The following RNF216 variants were observed in gnomAD, a reference collection of about 807,000 sequenced individuals.
The protein encoded by RNF216 is ring finger protein 216.
RNF216 carries 72 observed loss-of-function variants against 110.8 expected under a neutral mutation model. That is an observed-to-expected ratio of 0.65 (90% CI 0.54 to 0.79). The LOEUF is 0.79. Ranked by LOEUF, RNF216 falls within the 30% of genes least tolerant of loss-of-function variation. The pLI, the probability that RNF216 is intolerant of heterozygous loss-of-function variation, is 0.00. For missense variants in RNF216, 1,342 were observed against 1,141.2 expected (o/e 1.18, Z -2.54); for synonymous variants, 495 against 407.5 (o/e 1.21, Z -2.59).
At chr7:5,771,773 G>A (rs1468658352) in intron 1 of RNF216, among the ~76,000 whole-genome samples, 1 of 152,138 alleles carries the variant, frequency 6.6e-6, no homozygotes, top group Non-Finnish European at 1.5e-5. Context: ...TTCCAGCCTG[G>A]GCAATGGGAG....
intron 14 of RNF216, among the ~76,000 whole-genome samples, chr7:5,644,185 G>A (rs555213336): frequency 6.6e-6 from 1 of 152,254 alleles, no homozygotes; most frequent in East Asian, 1.9e-4. Flanking sequence ...TTTCACTTAT[G>A]TTGGGTGAGT....
chr7:5,754,434 G>C lies in RNF216; in HGVS notation c.68-1455C>G, dbSNP rs533728725. ...ACCTCGGCCTCCCAAGAAGTCACTGGGATGACAGGCATGAGCCACCATGCC... is the reference window on the plus strand; with the variant it reads ...ACCTCGGCCTCCCAAGAAGTCACTGCGATGACAGGCATGAGCCACCATGCC... On this transcript the variant is annotated intron_variant, in intron 2 of 16. Transcript: ENST00000389902. Among the ~76,000 whole-genome samples the C allele has an allele frequency of 3.6e-3, 554 of 152,050 alleles. 3 individuals are homozygous for C. Among genetic ancestry groups the C allele is most frequent in the African/African-American group, 0.013 (535 of 41,484 alleles).
intron 13 of RNF216, among the ~76,000 whole-genome samples, chr7:5,699,392 T>C (rs1298510758): frequency 6.6e-6 from 1 of 152,218 alleles, no homozygotes; most frequent in Non-Finnish European, 1.5e-5. Context: ...TTTGAGCAGA[T>C]AAGGAGTAAA....
rs538538358 is a variant in RNF216, at chr7:5,692,781, C to G, written c.2061+18980G>C. Among the ~76,000 whole-genome samples the G allele has an allele frequency of 9.2e-5, 14 of 152,340 alleles. No individual in the cohort carries two copies. In the South Asian group the frequency reaches 2.3e-3, roughly 25 times the overall value. ...ATCACATTTCTATTTTTCAAGTTCT[C>G]TTAATACAAACAAAACAAAAATTCT... On this transcript the variant is annotated intron_variant, in intron 13 of 16. Coordinates refer to ENST00000389902, the MANE Select transcript of RNF216 (RefSeq NM_207111.4).
chr7:5,709,212 C>T (rs76722717), intron 13 of RNF216, among the ~76,000 whole-genome samples: 11,719 of 152,216 alleles, frequency 0.077, 536 homozygotes, highest in East Asian at 0.12. Context: ...TGAGACAAGA[C>T]AGAAACCAGT....
chr7:5,717,076 G>A (rs1296804544), intron 9 of RNF216, among the ~76,000 whole-genome samples: 9 of 152,268 alleles, frequency 5.9e-5, no homozygotes, highest in African/African-American at 1.9e-4. Flanking sequence ...AAGTTTGGCC[G>A]GGTGGGATGG....
intron 1 of RNF216, among the ~76,000 whole-genome samples, chr7:5,779,831 A>AG: frequency 6.7e-6 from 1 of 150,370 alleles, no homozygotes; most frequent in African/African-American, 2.4e-5. Context: ...TCCGCCTCAA[A>AG]AAAAAAAAAA....
chr7:5,628,417 C>T (rs1373776543), intron 15 of RNF216, among the ~76,000 whole-genome samples: 1 of 152,204 alleles, frequency 6.6e-6, no homozygotes, highest in Admixed American at 6.5e-5. Flanking sequence ...TGGCTAGAGT[C>T]ACAGGACACT....
intron 8 of RNF216, among the ~76,000 whole-genome samples, chr7:5,721,635 GT>G (rs1434950137): frequency 3.3e-5 from 5 of 152,158 alleles, no homozygotes; most frequent in Non-Finnish European, 2.9e-5. Context: ...GGTTGTACCA[GT>G]TTACACCCTT....
rs1358046957 is a variant in RNF216, at chr7:5,623,093, G to A, written c.2539C>T (p.Gln847Ter). The change falls in exon 17 of 17, where the codon CAG becomes TAG. Residue 847 changes from glutamine to a stop codon, truncating the protein, a stop_gained. Transcript: ENST00000389902. LOFTEE classifies it high-confidence loss of function. Reference sequence around the variant, plus strand: ...GGCATCTGTGGCTGTGGCAGGTTCTGCGGAACGGGCCTCGGGAGGGCCTCC... The same window carrying A: ...GGCATCTGTGGCTGTGGCAGGTTCTACGGAACGGGCCTCGGGAGGGCCTCC... ...RVEALPRPVP[Q>*]NLPQPQMPPY... is the part of the protein sequence containing the mutation. 1.2e-6 allele frequency: 2 copies of A among 1,611,182 alleles called. No homozygotes were observed. Among genetic ancestry groups the A allele is most frequent in the East Asian group, 2.2e-5 (1 of 44,770 alleles).
chr7:5,755,569 T>C (rs1795592613), intron 2 of RNF216, among the ~76,000 whole-genome samples: 1 of 152,224 alleles, frequency 6.6e-6, no homozygotes, highest in African/African-American at 2.4e-5. Flanking sequence ...AAGTTTTGCA[T>C]GTTTTTGAGT....
intron 13 of RNF216, among the ~76,000 whole-genome samples, chr7:5,681,429 C>T (rs1205323922): frequency 6.6e-6 from 1 of 152,202 alleles, no homozygotes; most frequent in Non-Finnish European, 1.5e-5. Context: ...ATTACCAAGT[C>T]CCCAGCAGCT....
At chr7:5,657,673 C>T (rs377335810) in intron 13 of RNF216, among the ~76,000 whole-genome samples, 1 of 152,168 alleles carries the variant, frequency 6.6e-6, no homozygotes, top group Non-Finnish European at 1.5e-5. Flanking sequence ...CCAGGGACCA[C>T]AGGACCGTGG....
intron 1 of RNF216, among the ~76,000 whole-genome samples, chr7:5,768,442 G>A (rs1403622547): frequency 7.1e-6 from 1 of 141,344 alleles, no homozygotes; most frequent in Non-Finnish European, 1.5e-5. Context: ...ACTTATAGCT[G>A]GATAGACTTG....
intron 1 of RNF216, among the ~76,000 whole-genome samples, chr7:5,770,846 C>T (rs965912129): frequency 2.0e-5 from 3 of 151,280 alleles, no homozygotes; most frequent in Admixed American, 1.3e-4. Flanking sequence ...CTTGCTCTGT[C>T]GCCCAGGCCG....
chr7:5,626,442 A>G (rs1158183666), intron 15 of RNF216, among the ~76,000 whole-genome samples: 2 of 151,902 alleles, frequency 1.3e-5, no homozygotes, highest in Non-Finnish European at 2.9e-5. Flanking sequence ...AAAGAAATGA[A>G]CCAAAAAACC....
intron 2 of RNF216, among the ~76,000 whole-genome samples, chr7:5,754,601 G>T (rs1367581600): frequency 1.3e-5 from 2 of 152,180 alleles, no homozygotes; most frequent in Non-Finnish European, 2.9e-5. Flanking sequence ...AGGCACAGGA[G>T]TCAAGAGAGA....
At chr7:5,771,571 C>G (rs1796495893) in intron 1 of RNF216, among the ~76,000 whole-genome samples, 2 of 151,672 alleles carry the variant, frequency 1.3e-5, no homozygotes, top group African/African-American at 4.8e-5. Flanking sequence ...CCAAGGCAGG[C>G]AGATCACTTG....
chr7:5,678,652 C>T (rs1790457718), intron 13 of RNF216, among the ~76,000 whole-genome samples: 1 of 152,256 alleles, frequency 6.6e-6, no homozygotes, highest in Non-Finnish European at 1.5e-5. Context: ...ATATCAACTG[C>T]TGCTCTGCCA....
Sources: allele counts gnomAD v4.1 joint callset (sites outside exome capture counted in the v4.1 genomes callset), GRCh38; gene constraint gnomAD v4.1.1; transcripts MANE v1.5; gene names NCBI Gene and HGNC (gene_info 2026-07-23, HGNC 2026-07-21).